PGR: variants seen among roughly 807,000 people sequenced by gnomAD.
PGR encodes the protein nuclear receptor subfamily 3 group C member 3.
PGR carries 25 observed loss-of-function variants against 76.1 expected under a neutral mutation model. The ratio of observed to expected loss-of-function variants is 0.33; its 90% CI spans 0.24 to 0.46. PGR has a LOEUF of 0.46. Ranked by LOEUF, PGR falls within the 20% of genes least tolerant of loss-of-function variation. The pLI is 1.00. For synonymous variants in PGR, 579 were observed against 535.0 expected (o/e 1.08, Z -1.14); for missense variants, 1,172 against 1,225.3 (o/e 0.96, Z 0.65).
intron 3 of PGR, among the ~76,000 whole-genome samples, chr11:101,074,891 A>G (rs1279329772): frequency 6.6e-6 from 1 of 152,228 alleles, no homozygotes; most frequent in Non-Finnish European, 1.5e-5. Context: ...GAAAATGGCC[A>G]TACTGACCAA....
At chr11:101,057,451 G>T (rs187488522) in intron 4 of PGR, among the ~76,000 whole-genome samples, 20 of 152,222 alleles carry the variant, frequency 1.3e-4, no homozygotes, top group African/African-American at 4.6e-4. Context: ...CTTGGATATT[G>T]AGGCCATGGA....
intron 7 of PGR, chr11:101,041,712 C>A: frequency 6.3e-6 from 3 of 476,938 alleles, no homozygotes; most frequent in Non-Finnish European, 1.1e-5. Context: ...TTTCTATCAG[C>A]TATTAAATTA....
Position 101,127,633 on chromosome 11 carries a change from A to C in PGR, c.1438T>G (p.Cys480Gly), listed in dbSNP as rs779825187. The change falls in exon 1 of 8, where the codon TGC (cysteine) becomes GGC (glycine). Residue 480 changes from cysteine (C) to glycine (G), a missense_variant. Around this residue, in one of 4 missense-constraint regions of PGR, gnomAD observed 893 missense variants for 785.9 expected, o/e 1.14. Coordinates refer to ENST00000325455, the MANE Select transcript of PGR (RefSeq NM_000926.4). ...PQQGPFAPPP[C>G]KAPGASGCLL... is the part of the protein sequence containing the mutation. ...CAGCCGCTCGCGCCCGGCGCCTTGCAGGGCGGCGGCGCGAACGGGCCCTGC... is the reference window on the plus strand; with the variant it reads ...CAGCCGCTCGCGCCCGGCGCCTTGCCGGGCGGCGGCGCGAACGGGCCCTGC... 45 of 1,366,008 alleles carry C rather than the reference A, an allele frequency of 3.3e-5. No individual in the cohort carries two copies. The African/African-American group carries it at 4.4e-4, about 13-fold the overall frequency. The allele number at this position is 1,366,008 out of a possible 1,614,324, so 84.6% of individuals were successfully genotyped here.
Position 101,128,006 on chromosome 11 carries a change from T to C in PGR, c.1065A>G (p.Val355=), listed in dbSNP as rs1862934531. 1.2e-6 allele frequency: 2 copies of C among 1,610,866 alleles called. No individual in the cohort carries two copies. The highest frequency in any genetic ancestry group is 8.5e-7 in the Non-Finnish European group (1 of 1,179,822). The change falls in exon 1 of 8, where the codon GTA becomes GTG. Residue 355 remains valine (V), a synonymous_variant. Transcript: ENST00000325455. ...SPCASSTPVA[V]GDFPDCAYPP... ...GGTACGCGCAGTCGGGGAAGTCGCC[T>C]ACAGCGACCGGGGTGGACGAGGCAC...
At position 101,038,963 on chromosome 11, in the gene PGR, G is replaced by T. The variant is rs1174741747; in HGVS notation, c.*153C>A. 12 of 572,968 alleles carry T rather than the reference G, an allele frequency of 2.1e-5. No homozygotes were observed. The highest frequency in any genetic ancestry group is 3.1e-5 in the Non-Finnish European group (10 of 326,022). 35.5% of individuals were successfully genotyped at this position (572,968 alleles called of 1,614,324 possible). A position where few individuals can be genotyped will look rare whatever the true frequency, so the allele number is the denominator to read the frequency against. Reference sequence around the variant, plus strand: ...TATACTTTATAAAAGAAAATAATTAGAACCTCACAATTTTTCTTTTAAATT... The same window carrying T: ...TATACTTTATAAAAGAAAATAATTATAACCTCACAATTTTTCTTTTAAATT... On this transcript the variant is annotated 3_prime_UTR_variant, in exon 8 of 8. Coordinates refer to ENST00000325455, the MANE Select transcript of PGR (RefSeq NM_000926.4).
chr11:101,068,660 C>G (rs936804506), intron 3 of PGR, among the ~76,000 whole-genome samples: 3 of 151,872 alleles, frequency 2.0e-5, no homozygotes, highest in Non-Finnish European at 4.4e-5. Context: ...GTACTGGTAC[C>G]CAAACAGATA....
In PGR at chr11:101,129,023, G is replaced by T. The variant is rs775718445; in HGVS notation, c.48C>A (p.Gly16=). 5.1e-6 allele frequency: 8 copies of T among 1,565,242 alleles called. No homozygotes were observed. Among genetic ancestry groups the T allele is most frequent in the East Asian group, 4.6e-5 (2 of 43,306 alleles). The part of the protein sequence containing the change: ...AKGPRAPHVA[G]GPPSPEVGSP... ...ATCCGACCTCGGGGGAGGGCGGGCC[G>T]CCCGCCACGTGGGGAGCCCGGGGAC... is the stretch of plus-strand genomic sequence containing the variant. The change falls in exon 1 of 8, where the codon GGC becomes GGA. Residue 16 remains glycine, a synonymous_variant. Coordinates refer to ENST00000325455, the MANE Select transcript of PGR (RefSeq NM_000926.4).
chr11:101,080,828 T>G (rs1002426371), intron 3 of PGR, among the ~76,000 whole-genome samples: 4 of 152,072 alleles, frequency 2.6e-5, no homozygotes, highest in Non-Finnish European at 4.4e-5. Flanking sequence ...AAGCCTTCAA[T>G]TATATTTTGA....
chr11:101,090,450 C>T (rs984265397), intron 3 of PGR, among the ~76,000 whole-genome samples: 9 of 152,310 alleles, frequency 5.9e-5, no homozygotes, highest in African/African-American at 1.9e-4. Flanking sequence ...ACAATGGCTG[C>T]GCCAGGGTCA....
In PGR at chr11:101,035,575, T is replaced by A. The variant is rs570775253; in HGVS notation, c.*3541A>T. 4.3e-6 allele frequency: 1 copy of A among 232,136 alleles called. No homozygotes were observed. Among genetic ancestry groups the A allele is most frequent in the East Asian group, 6.1e-5 (1 of 16,342 alleles). The allele number at this position is 232,136 out of a possible 1,614,324, so 14.4% of individuals were successfully genotyped here. On this transcript the variant is annotated 3_prime_UTR_variant, in exon 8 of 8. Coordinates refer to ENST00000325455, the MANE Select transcript of PGR (RefSeq NM_000926.4). ...GGAATTGCTGCCATAGTAAAAATAA[T>A]TTGAGCATGGGTTTTTGGAGGGGCT...
At chr11:101,102,776 C>A (rs1359148130) in intron 2 of PGR, among the ~76,000 whole-genome samples, 1 of 146,804 alleles carries the variant, frequency 6.8e-6, no homozygotes, top group Non-Finnish European at 1.5e-5. Context: ...CATTTAATTT[C>A]TCTAGAACAG....
chr11:101,048,317 G>C (rs1378354266), intron 6 of PGR, among the ~76,000 whole-genome samples: 2 of 152,154 alleles, frequency 1.3e-5, no homozygotes, highest in African/African-American at 4.8e-5. Context: ...GGTGGTAGAG[G>C]AGAGTATGGT....
rs1862889029 is a variant in PGR, at chr11:101,127,534, G to C, written c.1537C>G (p.Pro513Ala). 4 of 1,457,778 alleles carry C rather than the reference G, an allele frequency of 2.7e-6. No individual in the cohort carries two copies. The highest frequency in any genetic ancestry group is 3.6e-6 in the Non-Finnish European group (4 of 1,105,204). The allele number at this position is 1,457,778 out of a possible 1,614,324, so 90.3% of individuals were successfully genotyped here. Residue 513 changes from proline (P) to alanine (A), a missense_variant, in exon 1 of 8, where the codon CCT becomes GCT. Transcript: ENST00000325455. ...GGGAGCCCGTTGAGGCCGAGTGCAG[G>C]GTAGAGCGCGGGGGCCGCCCCGGCG... ...AAAGAAPALY[P>A]ALGLNGLPQL...
At chr11:101,064,500 C>G (rs1188177822) in intron 3 of PGR, among the ~76,000 whole-genome samples, 1 of 151,702 alleles carries the variant, frequency 6.6e-6, no homozygotes, top group East Asian at 1.9e-4. Flanking sequence ...AGGAATGAGT[C>G]ACAAAGGGAA....
At chr11:101,084,495 T>G (rs1369902440) in intron 3 of PGR, among the ~76,000 whole-genome samples, 4 of 152,030 alleles carry the variant, frequency 2.6e-5, no homozygotes, top group African/African-American at 9.7e-5. Context: ...CCATCTCTAC[T>G]AAAAATACAA....
chr11:101,035,485 G>C lies in PGR; in HGVS notation c.*3631C>G. On this transcript the variant is annotated 3_prime_UTR_variant, in exon 8 of 8. Transcript: ENST00000325455. ...GGCATTTTATATCATAACCTTCTTA[G>C]GGATAGGGATGTTTTTTGGGTTGAT... 1 of 231,908 alleles carries C rather than the reference G, an allele frequency of 4.3e-6. No homozygotes were observed. The highest frequency in any genetic ancestry group is 8.5e-6 in the Non-Finnish European group (1 of 117,232). The allele number at this position is 231,908 out of a possible 1,614,324, so 14.4% of individuals were successfully genotyped here.
At chr11:101,119,385 CTTTG>C (rs538788547) in intron 2 of PGR, among the ~76,000 whole-genome samples, 580 of 150,802 alleles carry the variant, frequency 3.8e-3, no homozygotes, top group Non-Finnish European at 5.1e-3. Flanking sequence ...CCTGGAGTTA[CTTTG>C]TTTTTTTTCT....
rs572898822 is a variant in PGR at position 101,107,877 on chromosome 11, A to G, written c.1790-16001T>C. On this transcript the variant is annotated intron_variant, in intron 2 of 7. Coordinates refer to ENST00000325455, the MANE Select transcript of PGR (RefSeq NM_000926.4). ...GAAACTGGCTTTGTAAAAAAAAAAA[A>G]AAAGAAAGAAAAAGGTAGAACTATA... 8.9e-5 allele frequency among the ~76,000 whole-genome samples: 13 copies of G among 145,956 alleles called. No homozygotes were observed. The East Asian group carries it at 1.5e-3, about 17-fold the overall frequency.
chr11:101,116,533 A>C (rs184206422), intron 2 of PGR, among the ~76,000 whole-genome samples: 3 of 152,296 alleles, frequency 2.0e-5, no homozygotes, highest in Admixed American at 1.3e-4. Context: ...TGAGGTCAGG[A>C]GTTCGAGACC....
Sources: gnomAD v4.1 joint callset for allele counts (sites outside exome capture counted in the v4.1 genomes callset) on GRCh38, gnomAD v4.1.1 for gene constraint, gnomAD v4.1.1 regional missense constraint, MANE v1.5 for transcripts, NCBI Gene and HGNC (gene_info 2026-07-23, HGNC 2026-07-21) for gene names.